Variants in OR1B1 observed in about 807,000 individuals in gnomAD.
The protein encoded by OR1B1 is olfactory receptor 1B1.
For missense variants in OR1B1, 414 were observed against 402.1 expected (o/e 1.03, Z -0.25); for synonymous variants, 168 against 156.2 (o/e 1.08, Z -0.57).
chr9:122,648,552 T>C, the OR1B1 span, among the ~76,000 whole-genome samples: 2 of 152,118 alleles, frequency 1.3e-5, no homozygotes, highest in Admixed American at 1.3e-4. Flanking sequence ...TTTAAGGAAG[T>C]CTCAGGATAC....
the OR1B1 span, among the ~76,000 whole-genome samples, chr9:122,647,579 TAAAG>T: frequency 2.4e-4 from 37 of 152,068 alleles, no homozygotes; most frequent in African/African-American, 8.9e-4. Context: ...GAACTTGAAA[TAAAG>T]AAAATAATAC....
the OR1B1 span, among the ~76,000 whole-genome samples, chr9:122,656,594 G>A: frequency 2.0e-5 from 3 of 152,072 alleles, no homozygotes; most frequent in Non-Finnish European, 4.4e-5. Context: ...AAATTCTCGT[G>A]TCATGCCCTC....
At chr9:122,634,261 G>A (rs111775969), upstream of OR1B1, among the ~76,000 whole-genome samples, 5 of 151,620 alleles carry the variant, frequency 3.3e-5, no homozygotes, top group Admixed American at 1.3e-4. Context: ...GCTTGAACCC[G>A]GGATGTGGAG....
chr9:122,642,728 C>T, the OR1B1 span, among the ~76,000 whole-genome samples: 3 of 152,316 alleles, frequency 2.0e-5, no homozygotes, highest in East Asian at 5.8e-4. Flanking sequence ...TAATCACTCA[C>T]ACAGTCATCA....
chr9:122,654,087 T>A, the OR1B1 span, among the ~76,000 whole-genome samples: 1 of 152,162 alleles, frequency 6.6e-6, no homozygotes, highest in East Asian at 1.9e-4. Flanking sequence ...ACCAACTATG[T>A]GAAAAGGGCT....
chr9:122,654,891 T>G, the OR1B1 span, among the ~76,000 whole-genome samples: 394 of 152,350 alleles, frequency 2.6e-3, 1 homozygote, highest in African/African-American at 8.9e-3. Context: ...GAATGGTGAC[T>G]ATAATAATTA....
chr9:122,629,510 G>C lies in OR1B1; in HGVS notation c.26C>G (p.Ser9Ter). The C allele has an allele frequency of 6.2e-7, 1 of 1,610,238 alleles. No homozygotes were observed. Among genetic ancestry groups the C allele is most frequent in the Non-Finnish European group, 8.5e-7 (1 of 1,178,118 alleles). Residue 9 changes from serine (S) to a stop codon, truncating the protein, a stop_gained, in exon 1 of 1, where the codon TCA (serine) becomes TGA (stop). Transcript: ENST00000623530. LOFTEE classifies it low-confidence loss of function (END_TRUNC). Reference sequence around the variant, plus strand: ...AAGGAGCAAAAAAACCGGAGAGTGTGAAGCATTAGGGGCAAAGCTCATCAT... The same window carrying C: ...AAGGAGCAAAAAAACCGGAGAGTGTCAAGCATTAGGGGCAAAGCTCATCAT...
At chr9:122,643,794 G>A in the OR1B1 span, among the ~76,000 whole-genome samples, 1,263 of 152,292 alleles carry the variant, frequency 8.3e-3, 15 homozygotes, top group African/African-American at 0.028. Flanking sequence ...CAGCAGGATA[G>A]GGCATTGGGC....
the OR1B1 span, among the ~76,000 whole-genome samples, chr9:122,649,220 C>T: frequency 6.6e-6 from 1 of 152,162 alleles, no homozygotes; most frequent in Non-Finnish European, 1.5e-5. Context: ...TGCAACTGGA[C>T]CCATTCCTTA....
upstream of OR1B1, among the ~76,000 whole-genome samples, chr9:122,634,531 G>A (rs1173565359): frequency 6.6e-6 from 1 of 151,938 alleles, no homozygotes; most frequent in African/African-American, 2.4e-5. Context: ...CAACAGGAGA[G>A]AGAAAATGCA....
chr9:122,650,358 C>T, the OR1B1 span, among the ~76,000 whole-genome samples: 1 of 151,850 alleles, frequency 6.6e-6, no homozygotes. Flanking sequence ...TGTAACAAAC[C>T]TGCAATGCCT....
chr9:122,644,996 A>G, the OR1B1 span, among the ~76,000 whole-genome samples: 149 of 152,374 alleles, frequency 9.8e-4, no homozygotes, highest in Non-Finnish European at 1.2e-4. Context: ...TCAGACAAAG[A>G]ATTCAAAATA....
At chr9:122,639,116 A>G in the OR1B1 span, among the ~76,000 whole-genome samples, 3 of 152,164 alleles carry the variant, frequency 2.0e-5, no homozygotes, top group Non-Finnish European at 4.4e-5. Context: ...ATCTACTTAG[A>G]TAGACGTTTT....
At chr9:122,639,198 C>T in the OR1B1 span, among the ~76,000 whole-genome samples, 1,476 of 152,182 alleles carry the variant, frequency 9.7e-3, 27 homozygotes, top group African/African-American at 0.034. Context: ...TCTTCTTACT[C>T]TTCTTAACAT....
At chr9:122,646,026 A>G in the OR1B1 span, among the ~76,000 whole-genome samples, 1 of 152,174 alleles carries the variant, frequency 6.6e-6, no homozygotes, top group Non-Finnish European at 1.5e-5. Flanking sequence ...GAGAAACAAC[A>G]AAAAGTTTAA....
the OR1B1 span, among the ~76,000 whole-genome samples, chr9:122,644,960 CCAGAGAAACA>C: frequency 3.9e-5 from 6 of 151,920 alleles, no homozygotes; most frequent in Non-Finnish European, 8.8e-5. Flanking sequence ...GGGACCAGTC[CCAGAGAAACA>C]GAGATATATG....
the OR1B1 span, among the ~76,000 whole-genome samples, chr9:122,649,225 T>C: frequency 6.6e-6 from 1 of 152,144 alleles, no homozygotes; most frequent in Non-Finnish European, 1.5e-5. Flanking sequence ...CTGGACCCAT[T>C]CCTTACACCT....
the OR1B1 span, among the ~76,000 whole-genome samples, chr9:122,636,352 C>T: frequency 6.2e-3 from 943 of 152,330 alleles, 8 homozygotes; most frequent in African/African-American, 0.021. Flanking sequence ...CAGTGGCTCA[C>T]GCCTGTAATC....
chr9:122,641,246 A>ATGTGTATATGTG, the OR1B1 span, among the ~76,000 whole-genome samples: 1 of 152,210 alleles, frequency 6.6e-6, no homozygotes, highest in Non-Finnish European at 1.5e-5. Flanking sequence ...GTGTGCATGT[A>ATGTGTATATGTG]TGTGTATATG....
Sources: allele counts gnomAD v4.1 joint callset (sites outside exome capture counted in the v4.1 genomes callset), GRCh38; gene constraint gnomAD v4.1.1; transcripts MANE v1.5; gene names NCBI Gene and HGNC (gene_info 2026-07-23, HGNC 2026-07-21).